Variants in ZNF836 observed in about 807,000 individuals in gnomAD.
ZNF836 encodes the protein zinc finger protein 836.
ZNF836 carries 12 observed loss-of-function variants against 7.4 expected under a neutral mutation model. The observed-to-expected ratio is 1.61, with a 90% CI of 1.03 to 2.61. The LOEUF (loss-of-function observed/expected upper bound fraction) is 2.61. Ranked by LOEUF, ZNF836 falls within the 30% of genes most tolerant of loss-of-function variation. The pLI is 0.00. For synonymous variants in ZNF836, 365 were observed against 382.6 expected (o/e 0.95, Z 0.54); for missense variants, 998 against 1,126.2 (o/e 0.89, Z 1.63).
intron 3 of ZNF836, chr19:52,165,471 C>G (rs1180902441): frequency 6.6e-6 from 1 of 152,220 alleles, no homozygotes; most frequent in Non-Finnish European, 1.5e-5. Context: ...AACAAAACTT[C>G]ACAGCAGAAC....
At chr19:52,166,096 A>T (rs1028246827) in intron 3 of ZNF836, among the ~76,000 whole-genome samples, 1 of 151,968 alleles carries the variant, frequency 6.6e-6, no homozygotes, top group Non-Finnish European at 1.5e-5. Flanking sequence ...GGTTCAAGGG[A>T]TTCTCCTACC....
rs927164965 is a variant in ZNF836 at position 52,155,832 on chromosome 19, C to T, written c.1851G>A (p.Lys617=). The change falls in exon 5 of 5, where the codon AAG becomes AAA. Residue 617 remains lysine, a synonymous_variant. Transcript: ENST00000682614. Reference sequence around the variant, plus strand: ...AAAGGTTTCCACTGTCATTGAAGACCTTGCCACACACATTACATTTGTAAG... The same window carrying T: ...AAAGGTTTCCACTGTCATTGAAGACTTTGCCACACACATTACATTTGTAAG... ...QKPYKCNVCG[K]VFNDSGNLSN... 8 of 1,613,808 alleles carry T rather than the reference C, an allele frequency of 5.0e-6. No individual in the cohort carries two copies. Among genetic ancestry groups the T allele is most frequent in the Non-Finnish European group, 6.8e-6 (8 of 1,179,910 alleles).
At chr19:52,163,549 C>T (rs539106841) in intron 3 of ZNF836, among the ~76,000 whole-genome samples, 9 of 152,014 alleles carry the variant, frequency 5.9e-5, no homozygotes, top group Admixed American at 2.0e-4. Flanking sequence ...CCGAGGTGGG[C>T]GGATCACAAG....
intron 4 of ZNF836, 151 bp downstream of exon 4, chr19:52,160,314 G>A: frequency 1.2e-6 from 1 of 865,958 alleles, no homozygotes; most frequent in Non-Finnish European, 1.8e-6. Flanking sequence ...GGAAATGAAA[G>A]GCCAGATGCA....
rs191015765 is a variant in ZNF836 at position 52,157,391 on chromosome 19, G to C, written c.292C>G (p.Leu98Val). Residue 98 changes from leucine to valine, a missense_variant, in exon 5 of 5, where the codon CTT (leucine) becomes GTT (valine). Transcript: ENST00000682614. ...LREIQKNLQD[L>V]EFQWKDGEIN... ...TCACCATCTTTCCATTGAAACTCAA[G>C]GTCCTGTAGATTTTTCTGGATTTCC... 2.1e-3 allele frequency: 3,398 copies of C among 1,608,656 alleles called. 33 individuals are homozygous for C. Among genetic ancestry groups the C allele is most frequent in the South Asian group, 0.015 (1,343 of 89,198 alleles).
At position 52,159,067 on chromosome 19, in the gene ZNF836, C is replaced by A. The variant is rs538773837; in HGVS notation, c.142+1398G>T. ...CCAGGAAAATGGCCCACACCAAGAA[C>A]CAAGGTGACTGGCTCTGACATGTGG... On this transcript the variant is annotated intron_variant, in intron 4 of 4. Transcript: ENST00000682614. 2.0e-5 allele frequency among the ~76,000 whole-genome samples: 3 copies of A among 152,256 alleles called. No individual in the cohort carries two copies. The South Asian group carries it at 6.2e-4, about 32-fold the overall frequency.
chr19:52,166,660 A>G (rs561355741), intron 3 of ZNF836, among the ~76,000 whole-genome samples: 7 of 138,226 alleles, frequency 5.1e-5, no homozygotes, highest in African/African-American at 8.2e-5. Context: ...TGCAAGCTCC[A>G]CCTCCTGGGT....
intron 4 of ZNF836, 110 bp downstream of exon 4, chr19:52,160,355 C>A (rs747561341): frequency 7.2e-7 from 1 of 1,380,202 alleles, no homozygotes. Flanking sequence ...TGTGAGTCAA[C>A]AAGGCTTCAG....
At position 52,155,797 on chromosome 19, in the gene ZNF836, T is replaced by C. The variant is rs2089150554; in HGVS notation, c.1886A>G (p.Lys629Arg). Residue 629 changes from lysine (K) to arginine (R), a missense_variant, in exon 5 of 5, where the codon AAG becomes AGG. Transcript: ENST00000682614. ...FNDSGNLSNH[K>R]RIHTGEKPFQ... ...CGGCTTCTCTCCAGTATGAATTCTC[T>C]TATGATTTGAAAGGTTTCCACTGTC... The C allele has an allele frequency of 6.2e-7, 1 of 1,613,828 alleles. No individual in the cohort carries two copies. Among genetic ancestry groups the C allele is most frequent in the African/African-American group, 1.3e-5 (1 of 74,900 alleles).
intron 4 of ZNF836, 129 bp from the exon 5 acceptor site, chr19:52,157,669 C>T (rs1051845071): frequency 1.7e-5 from 14 of 841,524 alleles, no homozygotes; most frequent in African/African-American, 7.1e-5. Context: ...CTCCTGGGTT[C>T]GAGCTATTCT....
intron 4 of ZNF836, among the ~76,000 whole-genome samples, chr19:52,159,531 G>T (rs1041478098): frequency 6.6e-6 from 1 of 152,176 alleles, no homozygotes; most frequent in Non-Finnish European, 1.5e-5. Flanking sequence ...GAGCCAATGT[G>T]TGTTGCCAAA....
intron 4 of ZNF836, among the ~76,000 whole-genome samples, chr19:52,159,009 T>C (rs571360892): frequency 1.3e-5 from 2 of 152,292 alleles, no homozygotes; most frequent in African/African-American, 4.8e-5. Flanking sequence ...CCTTCTGCCA[T>C]GTGAGGACAC....
At chr19:52,166,640 C>T (rs2089266871) in intron 3 of ZNF836, among the ~76,000 whole-genome samples, 1 of 146,282 alleles carries the variant, frequency 6.8e-6, no homozygotes, top group Non-Finnish European at 1.5e-5. Context: ...GTGGCACGAT[C>T]TCGGCTCACT....
intron 1 of ZNF836, 96 bp downstream of exon 1, chr19:52,171,240 G>C (rs1213288093): frequency 6.6e-6 from 1 of 152,390 alleles, no homozygotes; most frequent in East Asian, 1.9e-4. Context: ...CGACCTGAGT[G>C]GGGTTGTCTA....
chr19:52,156,284 C>T lies in ZNF836; in HGVS notation c.1399G>A (p.Glu467Lys), dbSNP rs1204494284. Residue 467 changes from glutamate (E) to lysine (K), a missense_variant, in exon 5 of 5, where the codon GAG becomes AAG. Glu to Lys is a moderately conservative substitution (Grantham distance 56). Transcript: ENST00000682614. ...LARHQRSHTGEKPYKCNECGK... is the reference protein window; with the variant it reads ...LARHQRSHTGKKPYKCNECGK... ...CATTCATTGCATTTGTAAGGTTTCT[C>T]TCCAGTATGACTTCTCTGGTGCCTT... 2 of 1,614,208 alleles carry T rather than the reference C, an allele frequency of 1.2e-6. No individual in the cohort carries two copies. The highest frequency in any genetic ancestry group is 2.2e-5 in the South Asian group (2 of 91,086).
chr19:52,155,818 C>T lies in ZNF836; in HGVS notation c.1865G>A (p.Ser622Asn). The change falls in exon 5 of 5, where the codon AGT becomes AAT. Residue 622 changes from serine (S) to asparagine (N), a missense_variant. Ser to Asn is a conservative substitution (Grantham distance 46). Coordinates refer to ENST00000682614, the MANE Select transcript of ZNF836 (RefSeq NM_001102657.3). ...CNVCGKVFND[S>N]GNLSNHKRIH... ...TCTCTTATGATTTGAAAGGTTTCCA[C>T]TGTCATTGAAGACCTTGCCACACAC... 1 of 1,613,982 alleles carries T rather than the reference C, an allele frequency of 6.2e-7. No homozygotes were observed. Among genetic ancestry groups the T allele is most frequent in the Non-Finnish European group, 8.5e-7 (1 of 1,179,890 alleles).
At position 52,156,382 on chromosome 19, in the gene ZNF836, A is replaced by G. The variant is rs771030660; in HGVS notation, c.1301T>C (p.Ile434Thr). The G allele has an allele frequency of 8.7e-6, 14 of 1,614,074 alleles. No individual in the cohort carries two copies. The highest frequency in any genetic ancestry group is 1.3e-5 in the African/African-American group (1 of 74,938). The part of the protein sequence containing the change: ...KRSSSLTTHQ[I>T]IHTGEKPYTC... ...ATATGGTTTCTCTCCTGTATGGATT[A>G]TCTGATGTGTAGTGAGGCTGGAGCT... The change falls in exon 5 of 5, where the codon ATA becomes ACA. Residue 434 changes from isoleucine (I) to threonine (T), a missense_variant. Ile to Thr is a moderately conservative substitution (Grantham distance 89). Coordinates refer to ENST00000682614, the MANE Select transcript of ZNF836 (RefSeq NM_001102657.3).
chr19:52,166,575 C>CTT lies in ZNF836; in HGVS notation c.15+1481_15+1482dup, dbSNP rs56320677. 2.2e-3 allele frequency among the ~76,000 whole-genome samples: 291 copies of CTT among 133,150 alleles called. 4 individuals are homozygous for CTT. Among genetic ancestry groups the CTT allele is most frequent in the South Asian group, 4.5e-3 (19 of 4,236 alleles). 87.4% of individuals were successfully genotyped at this position (133,150 alleles called of 152,430 possible). On this transcript the variant is annotated intron_variant, in intron 3 of 4. Coordinates refer to ENST00000682614, the MANE Select transcript of ZNF836 (RefSeq NM_001102657.3). ...TATCATCTTCATGTTGTACCAACTT[C>CTT]TTTTTTTTTTTTTTTTGAGACGGAG...
chr19:52,169,126 T>A (rs2089289068), intron 2 of ZNF836, among the ~76,000 whole-genome samples: 1 of 152,168 alleles, frequency 6.6e-6, no homozygotes, highest in Admixed American at 6.5e-5. Flanking sequence ...TTTAAAAAAA[T>A]GACAATACTT....
Sources: allele counts gnomAD v4.1 joint callset (sites outside exome capture counted in the v4.1 genomes callset), GRCh38; gene constraint gnomAD v4.1.1; transcripts MANE v1.5; gene names NCBI Gene and HGNC (gene_info 2026-07-23, HGNC 2026-07-21).